PALM2AKAP2: variants seen among roughly 807,000 people sequenced by gnomAD.
The protein encoded by PALM2AKAP2 is PALM2-AKAP2 fusion protein.
A neutral mutation model predicts 71.5 loss-of-function variants in PALM2AKAP2; 37 were observed. That is an observed-to-expected ratio of 0.52 (90% CI 0.40 to 0.68). PALM2AKAP2 has a LOEUF of 0.68. PALM2AKAP2 is among the 30% of genes least tolerant of loss of function. The probability of loss-of-function intolerance (pLI) is 0.00; values close to 1 mark genes in which losing one functional copy is unlikely to be tolerated. For missense variants in PALM2AKAP2, 1,224 were observed against 1,191.8 expected (o/e 1.03, Z -0.40); for synonymous variants, 468 against 478.8 (o/e 0.98, Z 0.29).
At chr9:109,994,386 G>A (rs529745678) in intron 6 of PALM2AKAP2, among the ~76,000 whole-genome samples, 1 of 152,266 alleles carries the variant, frequency 6.6e-6, no homozygotes, top group South Asian at 2.1e-4. Flanking sequence ...CCAAACTCCC[G>A]AATGGGTTTT....
intron 7 of PALM2AKAP2, among the ~76,000 whole-genome samples, chr9:110,021,708 A>G (rs955659063): frequency 6.6e-6 from 1 of 151,024 alleles, no homozygotes; most frequent in African/African-American, 2.4e-5. Flanking sequence ...TTTATATCCT[A>G]TTCTGTTTTG....
intron 1 of PALM2AKAP2, among the ~76,000 whole-genome samples, chr9:109,684,022 A>C (rs1827775253): frequency 6.6e-6 from 1 of 152,166 alleles, no homozygotes; most frequent in African/African-American, 2.4e-5. Flanking sequence ...CCAAATGTTT[A>C]ACAATGTGAG....
intron 1 of PALM2AKAP2, among the ~76,000 whole-genome samples, chr9:109,832,507 A>G (rs926751460): frequency 7.9e-5 from 12 of 152,212 alleles, no homozygotes; most frequent in African/African-American, 2.7e-4. Flanking sequence ...CTAGGGCTAC[A>G]TTAACCCTCT....
At chr9:109,645,535 G>T (rs1397561767) in intron 1 of PALM2AKAP2, among the ~76,000 whole-genome samples, 3 of 146,722 alleles carry the variant, frequency 2.0e-5, no homozygotes, top group Non-Finnish European at 4.5e-5. Context: ...TAAAATAAGA[G>T]CTTCTTAGTT....
At chr9:109,915,486 G>A (rs1412493390) in intron 3 of PALM2AKAP2, among the ~76,000 whole-genome samples, 1 of 152,164 alleles carries the variant, frequency 6.6e-6, no homozygotes, top group Non-Finnish European at 1.5e-5. Context: ...TCAAGGATAG[G>A]GGCAAAGGGT....
At chr9:110,128,342 C>T (rs1044607339) in intron 1 of PALM2AKAP2, among the ~76,000 whole-genome samples, 1 of 152,154 alleles carries the variant, frequency 6.6e-6, no homozygotes, top group Non-Finnish European at 1.5e-5. Context: ...ATTGTCATTG[C>T]GTCCTGCGCA....
chr9:109,992,027 T>A (rs1343786475), intron 6 of PALM2AKAP2, among the ~76,000 whole-genome samples: 5 of 152,164 alleles, frequency 3.3e-5, no homozygotes, highest in Non-Finnish European at 7.4e-5. Context: ...AAGTACCACA[T>A]ATTGGGTGGC....
intron 6 of PALM2AKAP2, among the ~76,000 whole-genome samples, chr9:109,964,312 G>C (rs1411161955): frequency 6.6e-6 from 1 of 152,172 alleles, no homozygotes; most frequent in Non-Finnish European, 1.5e-5. Flanking sequence ...AGCTAAATTG[G>C]TTTAGTGGTG....
rs142373973 is a variant in PALM2AKAP2 at position 109,968,787 on chromosome 9, G to A, written c.496+36759G>A. Among the ~76,000 whole-genome samples the A allele has an allele frequency of 9.6e-3, 1,467 of 152,250 alleles. 21 individuals carry two copies. Among genetic ancestry groups the A allele is most frequent in the Middle Eastern group, 0.027 (8 of 294 alleles). On this transcript the variant is annotated intron_variant, in intron 6 of 9. Coordinates refer to the PALM2AKAP2 transcript ENST00000302798. Reference sequence around the variant, plus strand: ...GCTACATTTCACTTCAAAACTCCCAGTAAGTCTGCCACTAAGACCCCTGGA... The same window carrying A: ...GCTACATTTCACTTCAAAACTCCCAATAAGTCTGCCACTAAGACCCCTGGA...
chr9:110,132,032 CGTGT>C (rs3063946), intron 1 of PALM2AKAP2, among the ~76,000 whole-genome samples: 7,423 of 147,436 alleles, frequency 0.05, 214 homozygotes, highest in Non-Finnish European at 0.065. Context: ...AAGTAACTAG[CGTGT>C]GTGTGTGTGT....
At chr9:109,982,682 G>A (rs930269926) in intron 6 of PALM2AKAP2, among the ~76,000 whole-genome samples, 1 of 152,232 alleles carries the variant, frequency 6.6e-6, no homozygotes, top group Non-Finnish European at 1.5e-5. Flanking sequence ...CAGGAGTGCA[G>A]TGCATGTTCA....
chr9:110,167,331 G>A (rs1049733848), intron 3 of PALM2AKAP2, among the ~76,000 whole-genome samples: 9 of 152,194 alleles, frequency 5.9e-5, no homozygotes, highest in Admixed American at 1.3e-4. Context: ...TGGCTCTACT[G>A]GACTTTTCTT....
At chr9:109,982,986 G>A (rs114426067) in intron 6 of PALM2AKAP2, among the ~76,000 whole-genome samples, 7 of 152,312 alleles carry the variant, frequency 4.6e-5, no homozygotes, top group African/African-American at 1.7e-4. Flanking sequence ...TGAGCTACAT[G>A]AAGATTAGAT....
intron 6 of PALM2AKAP2, among the ~76,000 whole-genome samples, chr9:109,988,065 C>T (rs1015109778): frequency 3.9e-5 from 6 of 152,226 alleles, no homozygotes; most frequent in Non-Finnish European, 5.9e-5. Flanking sequence ...CTTTCTGCTA[C>T]ATGTCCTTTG....
chr9:109,943,209 G>A, intron 6 of PALM2AKAP2: 1 of 1,614,216 alleles, frequency 6.2e-7, no homozygotes, highest in Non-Finnish European at 8.5e-7. Flanking sequence ...AGGCTGAATT[G>A]GTCCTCATTG....
intron 6 of PALM2AKAP2, among the ~76,000 whole-genome samples, chr9:109,968,741 T>C (rs1832004767): frequency 6.6e-6 from 1 of 152,088 alleles, no homozygotes. Context: ...AGCCGCGATT[T>C]TCAGCGCGAT....
intron 3 of PALM2AKAP2, 101 bp from the exon 4 acceptor site, chr9:109,923,634 C>A: frequency 7.9e-7 from 1 of 1,273,096 alleles, no homozygotes; most frequent in Non-Finnish European, 1.1e-6. Context: ...AAAACAAAGG[C>A]TGCCAGGAAG....
intron 6 of PALM2AKAP2, among the ~76,000 whole-genome samples, chr9:110,014,801 AAAATGTAT>A (rs1192858242): frequency 0.016 from 661 of 41,238 alleles, 60 homozygotes; most frequent in African/African-American, 0.035. Context: ...AAAAAAAAAA[AAAATGTAT>A]ATATATATAT....
intron 3 of PALM2AKAP2, among the ~76,000 whole-genome samples, chr9:109,900,179 G>A (rs1230660042): frequency 6.6e-6 from 1 of 152,174 alleles, no homozygotes; most frequent in Non-Finnish European, 1.5e-5. Context: ...ACTCTGATTG[G>A]CATGCAATCA....
Sources: gnomAD v4.1 joint callset for allele counts (sites outside exome capture counted in the v4.1 genomes callset) on GRCh38, gnomAD v4.1.1 for gene constraint, MANE v1.5 for transcripts, NCBI Gene and HGNC (gene_info 2026-07-23, HGNC 2026-07-21) for gene names.